The following LHFPL3 variants were observed in gnomAD, a reference collection of about 807,000 sequenced individuals.
LHFPL3 encodes LHFPL tetraspan subfamily member 3 protein.
Under a neutral mutation model 19.3 loss-of-function variants are expected in LHFPL3, and 5 were observed. The observed-to-expected ratio is 0.26, with a 90% CI of 0.14 to 0.54. LHFPL3 has a LOEUF of 0.54. Ranked by LOEUF, LHFPL3 falls within the 20% of genes least tolerant of loss-of-function variation. The pLI is 0.94. For missense variants in LHFPL3, 249 were observed against 307.4 expected (o/e 0.81, Z 1.42); for synonymous variants, 133 against 126.2 (o/e 1.05, Z -0.36).
At chr7:104,901,211 C>T (rs1347954271) in intron 2 of LHFPL3, among the ~76,000 whole-genome samples, 3 of 152,196 alleles carry the variant, frequency 2.0e-5, no homozygotes, top group African/African-American at 4.8e-5. Context: ...GCCAAGCCTT[C>T]AGGTGGAAAA....
intron 2 of LHFPL3, among the ~76,000 whole-genome samples, chr7:104,834,775 A>G (rs1466114297): frequency 6.6e-6 from 1 of 151,970 alleles, no homozygotes; most frequent in Non-Finnish European, 1.5e-5. Flanking sequence ...CAGCTTCATG[A>G]TGGTTTCGGT....
At chr7:104,420,971 G>T (rs1791721589) in intron 1 of LHFPL3, among the ~76,000 whole-genome samples, 1 of 152,146 alleles carries the variant, frequency 6.6e-6, no homozygotes, top group South Asian at 2.1e-4. Flanking sequence ...CTACACGTGG[G>T]ATAATTTGAG....
chr7:104,548,582 A>G (rs1397886095), intron 1 of LHFPL3, among the ~76,000 whole-genome samples: 1 of 152,200 alleles, frequency 6.6e-6, no homozygotes, highest in African/African-American at 2.4e-5. Flanking sequence ...TACGAAATAA[A>G]GATGGAACGA....
chr7:104,583,526 C>T (rs1790504098), intron 1 of LHFPL3, among the ~76,000 whole-genome samples: 1 of 152,142 alleles, frequency 6.6e-6, no homozygotes, highest in South Asian at 2.1e-4. Flanking sequence ...AACAGGCAAC[C>T]TACAGAATGG....
chr7:104,419,542 G>A (rs1275723708), intron 1 of LHFPL3, among the ~76,000 whole-genome samples: 3 of 152,172 alleles, frequency 2.0e-5, no homozygotes, highest in African/African-American at 7.2e-5. Context: ...GTGACTAGAG[G>A]ATTCTGATAC....
Position 104,328,879 on chromosome 7 carries a change from C to A in LHFPL3, c.100C>A (p.Arg34=), listed in dbSNP as rs1246060898. ...LYHTNYVRNS[R]AIGVLWAIFT... Reference sequence around the variant, plus strand: ...CCACACCAACTATGTGCGGAACTCGCGGGCCATCGGCGTGCTGTGGGCCAT... The same window carrying A: ...CCACACCAACTATGTGCGGAACTCGAGGGCCATCGGCGTGCTGTGGGCCAT... Residue 34 remains arginine (R), a synonymous_variant, in exon 1 of 3, where the codon CGG becomes AGG. Transcript: ENST00000424859. This position sits in a 1 kb window ranked among gnomAD's most constrained non-coding sequence, Gnocchi z 4.6. The A allele has an allele frequency of 4.3e-6, 7 of 1,614,080 alleles. No homozygotes were observed. In the South Asian group the frequency reaches 4.4e-5, roughly 10 times the overall value.
intron 2 of LHFPL3, among the ~76,000 whole-genome samples, chr7:104,903,463 T>A (rs926623524): frequency 1.7e-4 from 17 of 99,920 alleles, no homozygotes; most frequent in African/African-American, 1.2e-3. Flanking sequence ...CTAGTTATAC[T>A]TTTTTTTTTT....
chr7:104,839,753 G>A (rs1209158707), intron 2 of LHFPL3, among the ~76,000 whole-genome samples: 1 of 152,162 alleles, frequency 6.6e-6, no homozygotes, highest in Non-Finnish European at 1.5e-5. Context: ...ACTTGCTTGT[G>A]AAGATATTAA....
At chr7:104,714,322 T>C (rs1048812852) in intron 1 of LHFPL3, among the ~76,000 whole-genome samples, 1 of 152,176 alleles carries the variant, frequency 6.6e-6, no homozygotes, top group East Asian at 1.9e-4. Context: ...ATAAAAGTTA[T>C]TGGAAGATCT....
chr7:104,704,872 G>A (rs1287908789), intron 1 of LHFPL3, among the ~76,000 whole-genome samples: 2 of 152,126 alleles, frequency 1.3e-5, no homozygotes, highest in African/African-American at 4.8e-5. Context: ...CTAGGCTCAA[G>A]CATTTCTCCC....
chr7:104,592,646 T>C (rs1286628057), intron 1 of LHFPL3, among the ~76,000 whole-genome samples: 2 of 152,174 alleles, frequency 1.3e-5, no homozygotes, highest in African/African-American at 2.4e-5. Flanking sequence ...GACAGGGACG[T>C]TTAAGTCTGC....
chr7:104,845,528 A>C (rs914531341), intron 2 of LHFPL3: 9 of 1,417,494 alleles, frequency 6.3e-6, no homozygotes, highest in Non-Finnish European at 8.5e-6. Context: ...TCCCGCTTTC[A>C]GCGCTTAGCA....
At chr7:104,635,037 T>C (rs1162083114) in intron 1 of LHFPL3, among the ~76,000 whole-genome samples, 2 of 152,130 alleles carry the variant, frequency 1.3e-5, no homozygotes, top group African/African-American at 4.8e-5. Flanking sequence ...AAGAATAAAA[T>C]GTTATGTATA....
At chr7:104,759,231 G>T (rs1794334662) in intron 2 of LHFPL3, among the ~76,000 whole-genome samples, 1 of 152,162 alleles carries the variant, frequency 6.6e-6, no homozygotes, top group African/African-American at 2.4e-5. Flanking sequence ...GTGTGGGAGT[G>T]CTGGAAGATG....
intron 1 of LHFPL3, among the ~76,000 whole-genome samples, chr7:104,435,560 A>G (rs1303053824): frequency 6.9e-6 from 1 of 143,922 alleles, no homozygotes; most frequent in Non-Finnish European, 1.5e-5. Flanking sequence ...TTCTTTCTAG[A>G]TTTTTTTTTT....
chr7:104,617,505 G>A (rs185577953), intron 1 of LHFPL3, among the ~76,000 whole-genome samples: 10 of 152,156 alleles, frequency 6.6e-5, no homozygotes, highest in African/African-American at 1.7e-4. Context: ...TTTTGTTTTC[G>A]CTAGATGACT....
intron 2 of LHFPL3, among the ~76,000 whole-genome samples, chr7:104,805,328 G>A (rs1420320748): frequency 6.6e-6 from 1 of 152,118 alleles, no homozygotes; most frequent in Non-Finnish European, 1.5e-5. Flanking sequence ...AGAACTAAAG[G>A]GTATACAAGC....
At chr7:104,467,866 C>T (rs527694622) in intron 1 of LHFPL3, among the ~76,000 whole-genome samples, 62 of 152,282 alleles carry the variant, frequency 4.1e-4, no homozygotes, top group African/African-American at 1.4e-3. Flanking sequence ...TTCTCTTTCT[C>T]TTCTAAATTG....
At chr7:104,361,288 A>C (rs1278107143) in intron 1 of LHFPL3, among the ~76,000 whole-genome samples, 1 of 152,200 alleles carries the variant, frequency 6.6e-6, no homozygotes, top group Non-Finnish European at 1.5e-5. Flanking sequence ...CCATTGTTTC[A>C]GGAGCCTTCT....
Sources: gnomAD v4.1 joint callset for allele counts (sites outside exome capture counted in the v4.1 genomes callset) on GRCh38, gnomAD v4.1.1 for gene constraint, Gnocchi (gnomAD v3.1) non-coding constraint, MANE v1.5 for transcripts, NCBI Gene and HGNC (gene_info 2026-07-23, HGNC 2026-07-21) for gene names.